The following GAS6 variants were observed in gnomAD, a reference collection of about 807,000 sequenced individuals.
GAS6 encodes growth arrest specific 6.
GAS6 carries 41 observed loss-of-function variants against 75.8 expected under a neutral mutation model. The observed-to-expected ratio is 0.54, with a 90% CI of 0.42 to 0.70. The LOEUF (loss-of-function observed/expected upper bound fraction) is 0.70. GAS6 is among the 30% of genes least tolerant of loss of function. The probability of loss-of-function intolerance (pLI) is 0.00; values close to 1 mark genes in which losing one functional copy is unlikely to be tolerated. For missense variants in GAS6, 854 were observed against 940.2 expected (o/e 0.91, Z 1.20); for synonymous variants, 432 against 412.6 (o/e 1.05, Z -0.57).
chr13:113,862,154 TACATCCAGGCA>T (rs1377953699), intron 2 of GAS6, among the ~76,000 whole-genome samples: 1 of 152,180 alleles, frequency 6.6e-6, no homozygotes, highest in Non-Finnish European at 1.5e-5. Flanking sequence ...AACAGCACAG[TACATCCAGGCA>T]GCGTCCAGTC....
At chr13:113,838,259 T>C (rs994127894) in intron 5 of GAS6, 68 bp from the exon 6 acceptor site, 19 of 1,583,374 alleles carry the variant, frequency 1.2e-5, no homozygotes, top group Non-Finnish European at 1.6e-5. Flanking sequence ...TAGGAAGAGA[T>C]CCCAGAGGTG....
chr13:113,860,761 G>T (rs2138669204), intron 2 of GAS6, among the ~76,000 whole-genome samples: 1 of 152,324 alleles, frequency 6.6e-6, no homozygotes, highest in East Asian at 1.9e-4. Context: ...GAGGGGCACG[G>T]CTCCAGCAGA....
At chr13:113,839,662 G>C in intron 5 of GAS6, 66 bp downstream of exon 5, 1 of 1,582,480 alleles carries the variant, frequency 6.3e-7, no homozygotes. Flanking sequence ...GTGGGAGTGA[G>C]GAGCGGGGAT....
rs1803628 is a variant in GAS6, at chr13:113,827,141, G to A, written c.1332C>T (p.Cys444=). Residue 444 remains cysteine (C), a synonymous_variant, in exon 12 of 15, where the codon TGC becomes TGT. Coordinates refer to ENST00000327773, the MANE Select transcript of GAS6 (RefSeq NM_000820.4). ...CGTTCAGCCAGTTCCAGCTCCTCAT[G>A]CAGCCATCCAGACGAGGGTTTATCT... is the stretch of plus-strand genomic sequence containing the variant. ...VQPINPRLDG[C]MRSWNWLNGE... is the part of the protein sequence containing the mutation. 0.12 allele frequency: 197,038 copies of A among 1,612,610 alleles called. 15,772 individuals carry two copies. Among genetic ancestry groups the A allele is most frequent in the South Asian group, 0.29 (26,084 of 90,978 alleles).
intron 2 of GAS6, among the ~76,000 whole-genome samples, chr13:113,854,902 C>T (rs1450823453): frequency 6.6e-6 from 1 of 152,154 alleles, no homozygotes; most frequent in Non-Finnish European, 1.5e-5. Flanking sequence ...TAAAGACAGG[C>T]CAGTCTGTGG....
chr13:113,859,174 G>A (rs936661532), intron 2 of GAS6, among the ~76,000 whole-genome samples: 1 of 151,712 alleles, frequency 6.6e-6, no homozygotes, highest in Non-Finnish European at 1.5e-5. Flanking sequence ...ATGTCTGCTA[G>A]TATGTGCCTT....
At chr13:113,828,463 G>A (rs771298746) in intron 11 of GAS6, 84 bp downstream of exon 11, 110 of 1,412,794 alleles carry the variant, frequency 7.8e-5, no homozygotes, top group Admixed American at 3.0e-4. Context: ...TAAACACAGG[G>A]CAGGGTGTGA....
At position 113,845,807 on chromosome 13, in the gene GAS6, T is replaced by A. The variant is rs1019244949; in HGVS notation, c.343+720A>T. ...TTCTCGCCTGTTACATTGGAAGAGA[T>A]CAAAAGTTTAAAAAAACAGTTCATT... On this transcript the variant is annotated intron_variant, in intron 4 of 14. Coordinates refer to ENST00000327773, the MANE Select transcript of GAS6 (RefSeq NM_000820.4). The surrounding 1 kb of genome is among the most constrained non-coding windows in gnomAD (Gnocchi z 4.3). 1 of 150,236 alleles carries A rather than the reference T, an allele frequency of 6.7e-6. No homozygotes were observed. The highest frequency in any genetic ancestry group is 2.5e-5 in the African/African-American group (1 of 40,782). The allele number at this position is 150,236 out of a possible 1,614,324, so 9.3% of individuals were successfully genotyped here.
chr13:113,824,847 A>C (rs1447243518), intron 12 of GAS6, among the ~76,000 whole-genome samples: 1 of 152,224 alleles, frequency 6.6e-6, no homozygotes, highest in African/African-American at 2.4e-5. Flanking sequence ...CAACAGAATC[A>C]AAAAGTAACA....
At chr13:113,859,163 CAT>C (rs201010463) in intron 2 of GAS6, among the ~76,000 whole-genome samples, 10 of 149,878 alleles carry the variant, frequency 6.7e-5, no homozygotes, top group East Asian at 2.0e-4. Flanking sequence ...TGTATGTGTA[CAT>C]GTCTGCTAGT....
intron 4 of GAS6, chr13:113,843,904 G>C (rs1293798627): frequency 6.6e-6 from 1 of 151,270 alleles, no homozygotes; most frequent in African/African-American, 2.5e-5. Context: ...GGGAACCAAT[G>C]AACAGGAACA....
intron 2 of GAS6, among the ~76,000 whole-genome samples, chr13:113,851,038 TG>T (rs2051869293): frequency 6.6e-6 from 1 of 150,760 alleles, no homozygotes; most frequent in Non-Finnish European, 1.5e-5. Flanking sequence ...AATGAATGAA[TG>T]GATGAGTGGA....
Position 113,832,647 on chromosome 13 carries a change from G to C in GAS6, c.940C>G (p.Leu314Val). Residue 314 changes from leucine to valine, a missense_variant, in exon 9 of 15, where the codon CTG becomes GTG. Leu to Val is a conservative substitution (Grantham distance 32). Coordinates refer to ENST00000327773, the MANE Select transcript of GAS6 (RefSeq NM_000820.4). ...ACACCTCCTCACCTGGTGGGCTGCAGCCTCTTGAAGCGCAGTCGGATCACG... is the reference window on the plus strand; with the variant it reads ...ACACCTCCTCACCTGGTGGGCTGCACCCTCTTGAAGCGCAGTCGGATCACG... ...TPVIRLRFKR[L>V]QPTRLVAEFD... is the part of the protein sequence containing the mutation. 6.2e-7 allele frequency: 1 copy of C among 1,612,766 alleles called. No homozygotes were observed.
chr13:113,826,125 G>A (rs948031488), intron 12 of GAS6, among the ~76,000 whole-genome samples: 3 of 152,222 alleles, frequency 2.0e-5, no homozygotes, highest in Non-Finnish European at 2.9e-5. Flanking sequence ...GCACTGGGGA[G>A]GGCGGCAGCG....
intron 4 of GAS6, chr13:113,843,117 C>T (rs974546100): frequency 2.9e-6 from 1 of 348,950 alleles, no homozygotes; most frequent in African/African-American, 2.2e-5. Flanking sequence ...GCGATGGAGA[C>T]AGAAACCTCT....
At chr13:113,828,122 GAC>G (rs1331383577) in intron 11 of GAS6, among the ~76,000 whole-genome samples, 3 of 152,110 alleles carry the variant, frequency 2.0e-5, no homozygotes, top group East Asian at 1.9e-4. Flanking sequence ...AAATTAGCCG[GAC>G]GTGGTGGCGG....
At chr13:113,828,071 C>T (rs113129392) in intron 11 of GAS6, among the ~76,000 whole-genome samples, 4,272 of 152,072 alleles carry the variant, frequency 0.028, 188 homozygotes, top group African/African-American at 0.096. Flanking sequence ...GTCAGAAGAT[C>T]GAGACCACGG....
rs188243993 is a variant in GAS6 at position 113,831,661 on chromosome 13, G to A, written c.1143+638C>T. ...GTTGCACTCAAGGCCCCTTTCTGAGGGAGCCAGGCTGAAACGTGATGAAAT... is the reference window on the plus strand; with the variant it reads ...GTTGCACTCAAGGCCCCTTTCTGAGAGAGCCAGGCTGAAACGTGATGAAAT... On this transcript the variant is annotated intron_variant, in intron 10 of 14. Coordinates refer to ENST00000327773, the MANE Select transcript of GAS6 (RefSeq NM_000820.4). 2.0e-3 allele frequency among the ~76,000 whole-genome samples: 299 copies of A among 152,242 alleles called. 1 individual carries two copies. Among genetic ancestry groups the A allele is most frequent in the African/African-American group, 7.1e-3 (294 of 41,562 alleles).
intron 2 of GAS6, among the ~76,000 whole-genome samples, chr13:113,855,000 G>T (rs1455315608): frequency 6.6e-6 from 1 of 152,266 alleles, no homozygotes; most frequent in African/African-American, 2.4e-5. Context: ...GAGCAGCCTC[G>T]TGCCCGCAAC....
Sources: gnomAD v4.1 joint callset for allele counts (sites outside exome capture counted in the v4.1 genomes callset) on GRCh38, gnomAD v4.1.1 for gene constraint, Gnocchi (gnomAD v3.1) non-coding constraint, MANE v1.5 for transcripts, NCBI Gene and HGNC (gene_info 2026-07-23, HGNC 2026-07-21) for gene names.